Variants in FANCD2OS observed in about 807,000 individuals in gnomAD.
FANCD2OS encodes the protein FANCD2 opposite strand.
FANCD2OS carries 11 observed loss-of-function variants against 13.2 expected under a neutral mutation model. That is an observed-to-expected ratio of 0.83 (90% CI 0.52 to 1.38). The LOEUF (loss-of-function observed/expected upper bound fraction) is 1.38, where lower values mean the gene tolerates loss of function less well. Ranked by LOEUF, FANCD2OS falls within the 40% of genes most tolerant of loss-of-function variation. FANCD2OS has a pLI of 0.00. For synonymous variants in FANCD2OS, 69 were observed against 84.5 expected, an observed-to-expected ratio of 0.82 and a Z score of 1.01; for missense variants, 217 against 213.9, an observed-to-expected ratio of 1.01 and a Z score of -0.09.
At chr3:10,087,674 G>A (rs1291775036) in intron 2 of FANCD2OS, among the ~76,000 whole-genome samples, 1 of 151,858 alleles carries the variant, frequency 6.6e-6, no homozygotes, top group African/African-American at 2.4e-5. Context: ...TTGAGACAGA[G>A]TCTCGTTCTG....
At chr3:10,085,566 A>G (rs1392490759) in intron 2 of FANCD2OS, among the ~76,000 whole-genome samples, 5 of 151,504 alleles carry the variant, frequency 3.3e-5, no homozygotes, top group South Asian at 2.1e-4. Flanking sequence ...TAATTTTTGT[A>G]TTTTTAGTAG....
At position 10,104,051 on chromosome 3, in the gene FANCD2OS, C is replaced by T. The variant is rs1159959668; in HGVS notation, c.*190G>A. 3.4e-6 allele frequency: 2 copies of T among 587,930 alleles called. No individual in the cohort carries two copies. The highest frequency in any genetic ancestry group is 5.9e-6 in the Non-Finnish European group (2 of 337,606). The allele number at this position is 587,930 out of a possible 1,614,324, so 36.4% of individuals were successfully genotyped here. A position where few individuals can be genotyped will look rare whatever the true frequency, so the allele number is the denominator to read the frequency against. On this transcript the variant is annotated 3_prime_UTR_variant, in exon 2 of 2. Transcript: ENST00000450660. ...CAACCTTACAATGGGAATGTTCTTC[C>T]TTGTTCTCTATCATTGGTCCTTTTT...
intron 2 of FANCD2OS, among the ~76,000 whole-genome samples, chr3:10,087,668 G>A (rs1234345907): frequency 6.6e-6 from 1 of 151,152 alleles, no homozygotes; most frequent in Non-Finnish European, 1.5e-5. Context: ...TTTTTTTTGA[G>A]ACAGAGTCTC....
chr3:10,089,053 C>T, intron 2 of FANCD2OS: 1 of 1,292,918 alleles, frequency 7.7e-7, no homozygotes, highest in South Asian at 1.2e-5. Context: ...GAGGCTGAGG[C>T]AGGAGGATCA....
intron 2 of FANCD2OS, chr3:10,093,284 G>C: frequency 6.2e-7 from 1 of 1,613,224 alleles, no homozygotes; most frequent in Non-Finnish European, 8.5e-7. Flanking sequence ...CACCTCTCCA[G>C]GTATTTGATA....
chr3:10,106,756 A>G (rs1695504741), intron 1 of FANCD2OS, among the ~76,000 whole-genome samples: 1 of 152,228 alleles, frequency 6.6e-6, no homozygotes, highest in Non-Finnish European at 1.5e-5. Flanking sequence ...TCTACTAAAA[A>G]TACAAAAATT....
At chr3:10,095,074 T>C (rs1488622746) in intron 2 of FANCD2OS, 1 of 774,030 alleles carries the variant, frequency 1.3e-6, no homozygotes, top group African/African-American at 1.7e-5. Flanking sequence ...CAAATTAAGA[T>C]GATTATCAGC....
intron 2 of FANCD2OS, chr3:10,094,931 C>T (rs1694862662): frequency 2.1e-6 from 1 of 485,494 alleles, no homozygotes; most frequent in South Asian, 2.2e-5. Context: ...CCTAATGTTG[C>T]AGATGGGAAA....
chr3:10,086,992 C>T (rs750812519), intron 2 of FANCD2OS: 20 of 899,636 alleles, frequency 2.2e-5, no homozygotes, highest in Non-Finnish European at 3.5e-5. Context: ...AAGAGGGTTG[C>T]TACTAAAGCA....
chr3:10,100,760 C>T (rs1453120708), downstream of FANCD2OS, among the ~76,000 whole-genome samples: 3 of 152,064 alleles, frequency 2.0e-5, no homozygotes, highest in Non-Finnish European at 2.9e-5. Context: ...GCTGGAGGAC[C>T]ATAGCTTATT....
chr3:10,104,438 T>G lies in FANCD2OS; in HGVS notation c.337A>C (p.Lys113Gln). The change falls in exon 2 of 2, where the codon AAG (lysine) becomes CAG (glutamine). Residue 113 changes from lysine to glutamine, a missense_variant. Lys to Gln is a moderately conservative substitution (Grantham distance 53). Coordinates refer to ENST00000450660, the MANE Select transcript of FANCD2OS (RefSeq NM_001164839.2). Reference sequence around the variant, plus strand: ...GAAACTCTGAAAGTCCCGGTCCACTTTGGTGGCTGAGCTGTGATAACCCTG... The same window carrying G: ...GAAACTCTGAAAGTCCCGGTCCACTGTGGTGGCTGAGCTGTGATAACCCTG... The part of the protein sequence containing the change: ...FGRVITAQPP[K>Q]WTGTFRVSDK... 1 of 1,614,166 alleles carries G rather than the reference T, an allele frequency of 6.2e-7. No individual in the cohort carries two copies. Among genetic ancestry groups the G allele is most frequent in the Admixed American group, 1.7e-5 (1 of 60,000 alleles).
At chr3:10,096,594 C>T in intron 2 of FANCD2OS, 1 of 900,836 alleles carries the variant, frequency 1.1e-6, no homozygotes, top group Non-Finnish European at 1.8e-6. Flanking sequence ...TCTCTTAAGT[C>T]TGTGACTGTT....
chr3:10,086,567 C>T (rs1483389687), intron 2 of FANCD2OS, among the ~76,000 whole-genome samples: 1 of 152,098 alleles, frequency 6.6e-6, no homozygotes, highest in Admixed American at 6.5e-5. Flanking sequence ...CTGCACCCTC[C>T]ACCTCCTGGG....
At chr3:10,084,196 C>A (rs1694030091) in intron 2 of FANCD2OS, among the ~76,000 whole-genome samples, 1 of 151,534 alleles carries the variant, frequency 6.6e-6, no homozygotes, top group Non-Finnish European at 1.5e-5. Context: ...GTTTCACCAT[C>A]TTGGCCAGGC....
rs1252060439 is a variant in FANCD2OS, at chr3:10,105,769, AAAT to A, written c.-8-990_-8-988del. ...CCATCTAAAAAAAAAAAAAAAAAAA[AAAT>A]TATATATATATATATATATATATAT... On this transcript the variant is annotated intron_variant, in intron 1 of 1. Coordinates refer to ENST00000450660, the MANE Select transcript of FANCD2OS (RefSeq NM_001164839.2). 7.4e-3 allele frequency among the ~76,000 whole-genome samples: 350 copies of A among 47,148 alleles called. 18 individuals are homozygous for A. In the African/African-American group the frequency reaches 0.082, roughly 11 times the overall value. The allele number at this position is 47,148 out of a possible 152,430, so 30.9% of individuals were successfully genotyped here. A position where few individuals can be genotyped will look rare whatever the true frequency, so the allele number is the denominator to read the frequency against.
At chr3:10,097,527 TC>T in intron 2 of FANCD2OS, among the ~76,000 whole-genome samples, 1 of 152,364 alleles carries the variant, frequency 6.6e-6, no homozygotes, top group Admixed American at 6.5e-5. Context: ...ATGGTTCTGT[TC>T]CGCCCGGCTC....
chr3:10,104,625 C>T lies in FANCD2OS; in HGVS notation c.150G>A (p.Leu50=), dbSNP rs1695418433. The T allele has an allele frequency of 6.2e-7, 1 of 1,614,182 alleles. No homozygotes were observed. The highest frequency in any genetic ancestry group is 2.2e-5 in the East Asian group (1 of 44,886). Residue 50 remains leucine, a synonymous_variant, in exon 2 of 2, where the codon CTG becomes CTA. Transcript: ENST00000450660. Reference sequence around the variant, plus strand: ...GGACTAGAGTGACCTCTTGAAAGCACAGCTGCACTTCAAGGTCGGACGGTG... The same window carrying T: ...GGACTAGAGTGACCTCTTGAAAGCATAGCTGCACTTCAAGGTCGGACGGTG... The part of the protein sequence containing the change: ...PHTPSDLEVQ[L]CFQEVTLVLD...
chr3:10,101,377 C>CTTTTT (rs950337384), downstream of FANCD2OS: 8 of 388,502 alleles, frequency 2.1e-5, no homozygotes, highest in South Asian at 4.6e-5. Flanking sequence ...TTTTGTTCCT[C>CTTTTT]TTTTTTTTTT....
In FANCD2OS at chr3:10,084,009, T is replaced by A. The variant is rs574018021; in HGVS notation, c.*44-2478A>T. Among the ~76,000 whole-genome samples, 15 of 151,700 alleles carry A rather than the reference T, an allele frequency of 9.9e-5. No individual in the cohort carries two copies. The East Asian group carries it at 2.5e-3, about 26-fold the overall frequency. ...TGTTTCCCATGCTTTTGTGTGTGTGTGAGAGACAGAGTCTCACTCTGTCGC... is the reference window on the plus strand; with the variant it reads ...TGTTTCCCATGCTTTTGTGTGTGTGAGAGAGACAGAGTCTCACTCTGTCGC... On this transcript the variant is annotated intron_variant, in intron 2 of 2. Coordinates refer to the FANCD2OS transcript ENST00000524279.
Sources: gnomAD v4.1 joint callset for allele counts (sites outside exome capture counted in the v4.1 genomes callset) on GRCh38, gnomAD v4.1.1 for gene constraint, MANE v1.5 for transcripts, NCBI Gene and HGNC (gene_info 2026-07-23, HGNC 2026-07-21) for gene names.